SIK3: variants seen among roughly 807,000 people sequenced by gnomAD.
SIK3 encodes SIK family kinase 3, also known as serine/threonine-protein kinase SIK3.
Under a neutral mutation model 144.2 loss-of-function variants are expected in SIK3, and 28 were observed. The observed-to-expected ratio is 0.19, with a 90% CI of 0.14 to 0.27. The LOEUF (loss-of-function observed/expected upper bound fraction) is 0.27, where lower values mean the gene tolerates loss of function less well. Ranked by LOEUF, SIK3 falls within the 10% of genes least tolerant of loss-of-function variation. The pLI is 1.00. For synonymous variants in SIK3, 686 were observed against 676.3 expected (o/e 1.01, Z -0.22); for missense variants, 1,319 against 1,776.0 (o/e 0.74, Z 4.62).
At chr11:116,912,061 C>G (rs1331185583) in intron 4 of SIK3, among the ~76,000 whole-genome samples, 1 of 152,198 alleles carries the variant, frequency 6.6e-6, no homozygotes, top group Non-Finnish European at 1.5e-5. Context: ...GCAAGTGGCT[C>G]TCAATATAAT....
intron 4 of SIK3, among the ~76,000 whole-genome samples, chr11:116,923,427 T>C (rs1947112454): frequency 6.6e-6 from 1 of 152,204 alleles, no homozygotes; most frequent in Non-Finnish European, 1.5e-5. Context: ...ACATCCAACC[T>C]ACCTCTCCAA....
intron 1 of SIK3, among the ~76,000 whole-genome samples, chr11:117,089,689 T>C (rs1487529956): frequency 6.6e-6 from 1 of 152,194 alleles, no homozygotes; most frequent in Non-Finnish European, 1.5e-5. Context: ...AAACATGCGC[T>C]GGAGCTGAAA....
chr11:117,056,536 GATAGAT>G (rs56258473), intron 1 of SIK3, among the ~76,000 whole-genome samples: 50,550 of 138,024 alleles, frequency 0.37, 8,918 homozygotes, highest in South Asian at 0.44. Context: ...AAAATATATA[GATAGAT>G]ATAGATATAG....
chr11:117,084,040 C>T (rs1954901220), intron 1 of SIK3, among the ~76,000 whole-genome samples: 1 of 152,150 alleles, frequency 6.6e-6, no homozygotes, highest in Admixed American at 6.6e-5. Context: ...TATAAAATAA[C>T]TTGTCCTCAA....
At chr11:117,051,836 G>T (rs1044893887) in intron 1 of SIK3, among the ~76,000 whole-genome samples, 3 of 151,174 alleles carry the variant, frequency 2.0e-5, no homozygotes, top group East Asian at 4.1e-4. Flanking sequence ...GCCTATAGAG[G>T]TTTATTACAG....
intron 4 of SIK3, among the ~76,000 whole-genome samples, chr11:116,899,009 C>T (rs1022771346): frequency 1.3e-5 from 2 of 149,850 alleles, no homozygotes; most frequent in African/African-American, 4.9e-5. Flanking sequence ...GCTTTTGTTG[C>T]CATTGCTTTT....
At chr11:116,918,655 C>T (rs1946798012) in intron 4 of SIK3, among the ~76,000 whole-genome samples, 1 of 152,160 alleles carries the variant, frequency 6.6e-6, no homozygotes, top group African/African-American at 2.4e-5. Flanking sequence ...TCAGGCTGGC[C>T]TCTGTTTACA....
intron 1 of SIK3, among the ~76,000 whole-genome samples, chr11:116,972,697 C>A (rs1159389985): frequency 2.0e-5 from 3 of 151,880 alleles, no homozygotes; most frequent in Non-Finnish European, 4.4e-5. Flanking sequence ...ATATATACAC[C>A]TACTATGTAC....
intron 21 of SIK3, among the ~76,000 whole-genome samples, chr11:116,851,235 T>C (rs1942411885): frequency 6.6e-6 from 1 of 152,174 alleles, no homozygotes; most frequent in Non-Finnish European, 1.5e-5. Context: ...TTGTGTTTGC[T>C]TGGTTGGTTT....
Position 116,867,998 on chromosome 11 carries a change from G to A in SIK3, c.1900C>T (p.Gln634Ter). 1 of 1,550,524 alleles carries A rather than the reference G, an allele frequency of 6.4e-7. No individual in the cohort carries two copies. The highest frequency in any genetic ancestry group is 8.7e-7 in the Non-Finnish European group (1 of 1,146,920). Reference protein sequence around the residue: ...PPDLQRQLGQQPFRSRVWPPH... With the variant: ...PPDLQRQLGQ ...GGCCAGACCCGGGAACGGAAAGGCT[G>A]CTGTCCTAGCTGCCGTTGTAGGTCC... The change falls in exon 15 of 25, where the codon CAG becomes TAG. Residue 634 changes from glutamine to a stop codon, truncating the protein, a stop_gained. Transcript: ENST00000445177. LOFTEE classifies it high-confidence loss of function. This position sits in a 1 kb window ranked among gnomAD's most constrained non-coding sequence, Gnocchi z 4.1.
chr11:116,905,136 T>C (rs1297943451), intron 4 of SIK3: 2 of 155,760 alleles, frequency 1.3e-5, no homozygotes, highest in Admixed American at 6.5e-5. Flanking sequence ...GGCCCAGCCC[T>C]AGGCTTTCTA....
In SIK3 at chr11:117,098,000, G is replaced by A. The variant is rs962912740; in HGVS notation, c.273+143C>T. On this transcript the variant is annotated intron_variant, in intron 1 of 24. Coordinates refer to ENST00000445177, the MANE Select transcript of SIK3 (RefSeq NM_001366686.3). ...GTGTCCCTAGCTCCGCGCCCGCCCCGCCGCGGCTGGCTCCCTCCCGCCTCC... is the reference window on the plus strand; with the variant it reads ...GTGTCCCTAGCTCCGCGCCCGCCCCACCGCGGCTGGCTCCCTCCCGCCTCC... The A allele has an allele frequency of 6.3e-6, 7 of 1,111,644 alleles. No homozygotes were observed. The African/African-American group carries it at 1.0e-4, about 16-fold the overall frequency. The allele number at this position is 1,111,644 out of a possible 1,614,324, so 68.9% of individuals were successfully genotyped here.
intron 1 of SIK3, among the ~76,000 whole-genome samples, chr11:116,961,085 G>C (rs1433578885): frequency 6.6e-6 from 1 of 152,184 alleles, no homozygotes; most frequent in Non-Finnish European, 1.5e-5. Context: ...TTCCATTCAG[G>C]AAAGTCACAG....
chr11:117,010,009 T>C lies in SIK3; in HGVS notation c.274-52945A>G, dbSNP rs887098593. ...TAAAAATAACACTAACGACAACATC[T>C]ATTACCAGTTCATCCCCAAAGAAGC... On this transcript the variant is annotated intron_variant, in intron 1 of 24. Transcript: ENST00000445177. Among the ~76,000 whole-genome samples the C allele has an allele frequency of 3.3e-5, 5 of 152,126 alleles. No individual in the cohort carries two copies. The East Asian group carries it at 9.6e-4, about 29-fold the overall frequency.
intron 21 of SIK3, among the ~76,000 whole-genome samples, chr11:116,850,604 C>T (rs1037725985): frequency 6.6e-6 from 1 of 152,226 alleles, no homozygotes; most frequent in Non-Finnish European, 1.5e-5. Flanking sequence ...TGTACTTAAT[C>T]ATTCACATTA....
At position 116,901,960 on chromosome 11, in the gene SIK3, A is replaced by G. The variant is rs548225735; in HGVS notation, c.617-4643T>C. 3.3e-5 allele frequency among the ~76,000 whole-genome samples: 5 copies of G among 152,368 alleles called. No homozygotes were observed. The South Asian group carries it at 1.0e-3, about 32-fold the overall frequency. On this transcript the variant is annotated intron_variant, in intron 4 of 24. Transcript: ENST00000445177. ...AGCAAAGTTGACGTCTCTGGGAATT[A>G]TCCAGAAGGAAGATCCTTAGGTTTG...
At chr11:116,945,012 T>C (rs1591391004) in intron 3 of SIK3, among the ~76,000 whole-genome samples, 1 of 151,808 alleles carries the variant, frequency 6.6e-6, no homozygotes, top group Admixed American at 6.6e-5. Flanking sequence ...TAGGCTGGAG[T>C]GCAGTGGCTG....
intron 1 of SIK3, among the ~76,000 whole-genome samples, chr11:116,960,995 A>G (rs966609984): frequency 6.6e-6 from 1 of 152,268 alleles, no homozygotes; most frequent in African/African-American, 2.4e-5. Context: ...ATTTGTGGGC[A>G]GCATTCAGAA....
At chr11:116,885,783 G>A (rs894208077) in intron 6 of SIK3, among the ~76,000 whole-genome samples, 3 of 152,128 alleles carry the variant, frequency 2.0e-5, no homozygotes, top group African/African-American at 4.8e-5. Context: ...GACTGCCTGG[G>A]TTCAAATCTC....
Sources: allele counts gnomAD v4.1 joint callset (sites outside exome capture counted in the v4.1 genomes callset), GRCh38; gene constraint gnomAD v4.1.1; non-coding constraint Gnocchi (gnomAD v3.1); transcripts MANE v1.5; gene names NCBI Gene and HGNC (gene_info 2026-07-23, HGNC 2026-07-21).